The following DPEP1 variants were observed in gnomAD, a reference collection of about 807,000 sequenced individuals.
DPEP1 encodes the protein beta-lactamase.
DPEP1 carries 50 observed loss-of-function variants against 42.3 expected under a neutral mutation model. The ratio of observed to expected loss-of-function variants is 1.18; its 90% CI spans 0.94 to 1.50. The LOEUF (loss-of-function observed/expected upper bound fraction) is 1.50. DPEP1 is among the 40% of genes most tolerant of loss of function. The pLI is 0.00. For synonymous variants in DPEP1, 297 were observed against 234.0 expected (o/e 1.27, Z -2.46); for missense variants, 663 against 553.0 (o/e 1.20, Z -1.99).
Position 89,636,377 on chromosome 16 carries a change from G to C in DPEP1, c.351G>C (p.Leu117=), listed in dbSNP as rs771600698. Residue 117 remains leucine (L), a synonymous_variant, in exon 4 of 11, where the codon CTG becomes CTC. Coordinates refer to ENST00000690203, the MANE Select transcript of DPEP1 (RefSeq NM_001389466.1). ...GCCGGATGTACCCGGAGACCTTCCT[G>C]TATGTCACCAGCAGTGCAGGTGGGG... The part of the protein sequence containing the change: ...RMCRMYPETF[L]YVTSSAGIRQ... The C allele has an allele frequency of 1.1e-5, 17 of 1,612,254 alleles. No homozygotes were observed. The African/African-American group carries it at 1.6e-4, about 15-fold the overall frequency.
At chr16:89,624,796 A>T (rs1187979865) in intron 1 of DPEP1, among the ~76,000 whole-genome samples, 1 of 152,026 alleles carries the variant, frequency 6.6e-6, no homozygotes, top group Non-Finnish European at 1.5e-5. Context: ...CACTCTCCCA[A>T]AGTGCTGGGA....
intron 1 of DPEP1, among the ~76,000 whole-genome samples, chr16:89,625,587 C>A (rs947547853): frequency 6.6e-6 from 1 of 151,924 alleles, no homozygotes; most frequent in South Asian, 2.1e-4. Context: ...GCAGGTTGGA[C>A]GAGGGGAGGC....
chr16:89,624,862 A>G (rs2059488711), intron 1 of DPEP1, among the ~76,000 whole-genome samples: 2 of 152,080 alleles, frequency 1.3e-5, no homozygotes, highest in African/African-American at 4.8e-5. Flanking sequence ...GGCACCTTTC[A>G]TGGTTCCTAT....
At chr16:89,631,038 G>A (rs1184861994) in intron 2 of DPEP1, among the ~76,000 whole-genome samples, 2 of 152,086 alleles carry the variant, frequency 1.3e-5, no homozygotes, top group African/African-American at 4.8e-5. Flanking sequence ...CTGAGCCTGC[G>A]GACGTGGAGG....
chr16:89,618,992 C>T (rs1377278732), intron 1 of DPEP1, among the ~76,000 whole-genome samples: 1 of 15,744 alleles, frequency 6.4e-5, no homozygotes, highest in African/African-American at 2.8e-4. Context: ...CCCCTCCCTG[C>T]AGCCCCCTGC....
intron 1 of DPEP1, among the ~76,000 whole-genome samples, chr16:89,622,415 G>A (rs2059455871): frequency 6.6e-6 from 1 of 152,172 alleles, no homozygotes; most frequent in Admixed American, 6.5e-5. Flanking sequence ...CACCCTCTGG[G>A]TCAAGATGTG....
intron 1 of DPEP1, among the ~76,000 whole-genome samples, chr16:89,614,569 C>T (rs71396932): frequency 0.23 from 34,475 of 152,046 alleles, 4,075 homozygotes; most frequent in South Asian, 0.36. Flanking sequence ...CCGAGGTGGG[C>T]AGATCATGAG....
chr16:89,618,967 C>A (rs1484743460), intron 1 of DPEP1, among the ~76,000 whole-genome samples: 1 of 22,152 alleles, frequency 4.5e-5, no homozygotes, highest in Non-Finnish European at 1.3e-4. Context: ...CCTGCAGCCC[C>A]CCTGCCCCCC....
rs3039849 is a variant in DPEP1 at position 89,634,091 on chromosome 16, C to CTTTTTTTTTTTTTTTTTTTTTTTTTTTTT, written c.105-1801_105-1800insTTTTTTTTTTTTTTTTTTTTTTTTTTTTT. On this transcript the variant is annotated intron_variant, in intron 2 of 10. Coordinates refer to ENST00000690203, the MANE Select transcript of DPEP1 (RefSeq NM_001389466.1). ...TATTTTTCTTTTCTCTTCTCTTCTTCTTTTTTTTTTTTTTTTGGAGGGAGT... is the reference window on the plus strand; with the variant it reads ...TATTTTTCTTTTCTCTTCTCTTCTTCTTTTTTTTTTTTTTTTTTTTTTTTTTTTTTTTTTTTTTTTTTTTTGGAGGGAGT... Among the ~76,000 whole-genome samples the CTTTTTTTTTTTTTTTTTTTTTTTTTTTTT allele has an allele frequency of 1.6e-5, 2 of 123,688 alleles. 1 individual carries two copies. The allele number at this position is 123,688 out of a possible 152,430, so 81.1% of individuals were successfully genotyped here. A position where few individuals can be genotyped will look rare whatever the true frequency, so the allele number is the denominator to read the frequency against.
intron 6 of DPEP1, 80 bp downstream of exon 6, chr16:89,637,015 C>G (rs975030841): frequency 6.4e-7 from 1 of 1,574,178 alleles, no homozygotes; most frequent in Non-Finnish European, 8.6e-7. Context: ...TGCATCTCCT[C>G]ACGTGGGACC....
chr16:89,617,229 G>A (rs1324711017), intron 1 of DPEP1, among the ~76,000 whole-genome samples: 4 of 152,140 alleles, frequency 2.6e-5, no homozygotes, highest in African/African-American at 9.7e-5. Flanking sequence ...GGGTGCTTGG[G>A]GCTCTCATGT....
downstream of DPEP1, among the ~76,000 whole-genome samples, chr16:89,639,100 C>G (rs1207828362): frequency 7.5e-5 from 2 of 26,640 alleles, no homozygotes; most frequent in Non-Finnish European, 1.5e-4. Flanking sequence ...CACACACACA[C>G]CCCCACCCCT....
intron 2 of DPEP1, among the ~76,000 whole-genome samples, chr16:89,630,888 G>A (rs991260452): frequency 2.6e-5 from 4 of 152,056 alleles, no homozygotes; most frequent in Admixed American, 6.6e-5. Context: ...CGACGGTGCC[G>A]GGCCCTTGCC....
chr16:89,635,951 C>G lies in DPEP1; in HGVS notation c.148C>G (p.Arg50Gly). 4 of 1,611,790 alleles carry G rather than the reference C, an allele frequency of 2.5e-6. No individual in the cohort carries two copies. The highest frequency in any genetic ancestry group is 3.4e-6 in the Non-Finnish European group (4 of 1,179,498). ...GCAGCTGCTGGATATGTTCAACAAC[C>G]GGCTGCAGGACGAGAGGGCCAACCT... Reference protein sequence around the residue: ...PWQLLDMFNNRLQDERANLTT... With the variant: ...PWQLLDMFNNGLQDERANLTT... Residue 50 changes from arginine (R) to glycine (G), a missense_variant, in exon 3 of 11, where the codon CGG becomes GGG. Arg to Gly is a moderately radical substitution (Grantham distance 125). Coordinates refer to ENST00000690203, the MANE Select transcript of DPEP1 (RefSeq NM_001389466.1).
chr16:89,632,429 A>G (rs531150415), intron 2 of DPEP1, among the ~76,000 whole-genome samples: 1 of 152,292 alleles, frequency 6.6e-6, no homozygotes, highest in African/African-American at 2.4e-5. Context: ...AGGGGCAGGA[A>G]GTATCTTCAA....
chr16:89,613,913 G>A (rs576531307), intron 1 of DPEP1, among the ~76,000 whole-genome samples, 194 bp downstream of exon 1: 2 of 47,112 alleles, frequency 4.2e-5, no homozygotes, highest in Admixed American at 3.8e-4. Context: ...GGCTTCCTGG[G>A]ATTCTAGGAG....
At chr16:89,620,318 C>T (rs982200363) in intron 1 of DPEP1, among the ~76,000 whole-genome samples, 1 of 152,124 alleles carries the variant, frequency 6.6e-6, no homozygotes, top group Non-Finnish European at 1.5e-5. Context: ...CCCCAGGCCA[C>T]TTGAGACTCT....
At chr16:89,614,164 C>G (rs1025312857) in intron 1 of DPEP1, among the ~76,000 whole-genome samples, 2 of 152,096 alleles carry the variant, frequency 1.3e-5, no homozygotes, top group East Asian at 3.9e-4. Context: ...TGCTCTCAGA[C>G]CCGCCGCTGT....
Position 89,638,141 on chromosome 16 carries a change from T to C in DPEP1, c.1155T>C (p.Ser385=), listed in dbSNP as rs754688010. 12 of 1,611,218 alleles carry C rather than the reference T, an allele frequency of 7.4e-6. No homozygotes were observed. The highest frequency in any genetic ancestry group is 2.2e-5 in the East Asian group (1 of 44,850). ...GSCRTHYGYS[S]GASSLHRHWG... is the part of the protein sequence containing the mutation. Reference sequence around the variant, plus strand: ...GCAGGACCCATTACGGCTACTCCTCTGGGGCTTCCAGCCTCCATCGCCACT... The same window carrying C: ...GCAGGACCCATTACGGCTACTCCTCCGGGGCTTCCAGCCTCCATCGCCACT... Residue 385 remains serine (S), a synonymous_variant, in exon 11 of 11, where the codon TCT becomes TCC. Transcript: ENST00000690203.
Sources: allele counts gnomAD v4.1 joint callset (sites outside exome capture counted in the v4.1 genomes callset), GRCh38; gene constraint gnomAD v4.1.1; transcripts MANE v1.5; gene names NCBI Gene and HGNC (gene_info 2026-07-23, HGNC 2026-07-21).